CSMD1: variants seen among roughly 807,000 people sequenced by gnomAD.
The protein encoded by CSMD1 is CUB and Sushi multiple domains 1.
In CSMD1, 213 loss-of-function variants were observed where a neutral mutation model predicts 417.5. The ratio of observed to expected loss-of-function variants is 0.51; its 90% confidence interval spans 0.46 to 0.57. The LOEUF (loss-of-function observed/expected upper bound fraction) is 0.57. Among genes scored for constraint, CSMD1 ranks in the 20% least tolerant of loss-of-function variants. The probability of loss-of-function intolerance (pLI) is 0.00; values close to 1 mark genes in which losing one functional copy is unlikely to be tolerated. For synonymous variants in CSMD1, 2,862 were observed against 1,736.8 expected (o/e 1.65, Z -16.11); for missense variants, 6,923 against 4,529.7 (o/e 1.53, Z -15.17).
In CSMD1 at chr8:4,041,003, TCTTTTTTTTTTTC is replaced by T. The variant is rs1797857765; in HGVS notation, c.416-8917_416-8905del. Among the ~76,000 whole-genome samples, 5 of 137,680 alleles carry T rather than the reference TCTTTTTTTTTTTC, an allele frequency of 3.6e-5. 1 individual carries two copies. The South Asian group carries it at 1.1e-3, about 32-fold the overall frequency. 90.3% of individuals were successfully genotyped at this position (137,680 alleles called of 152,430 possible). On this transcript the variant is annotated intron_variant, in intron 3 of 69. Transcript: ENST00000635120. ...ACGTGGTCCTATATTTTCTTTTCTT[TCTTTTTTTTTTTC>T]CTTTTTTTTTTTTTTTTTGAGACGG...
intron 12 of CSMD1, among the ~76,000 whole-genome samples, chr8:3,456,931 C>T (rs767122182): frequency 1.3e-5 from 2 of 152,074 alleles, no homozygotes; most frequent in Non-Finnish European, 2.9e-5. Flanking sequence ...TGGAGCCCTC[C>T]TGCTGCACTG....
chr8:3,604,725 CATT>C (rs1801527449), intron 8 of CSMD1, among the ~76,000 whole-genome samples: 1 of 152,108 alleles, frequency 6.6e-6, no homozygotes, highest in South Asian at 2.1e-4. Context: ...AGGAGAGAAA[CATT>C]ATAACATCAG....
intron 3 of CSMD1, among the ~76,000 whole-genome samples, chr8:4,374,996 G>C (rs1370370174): frequency 2.0e-5 from 3 of 149,350 alleles, no homozygotes; most frequent in East Asian, 2.0e-4. Context: ...TACGGGCAAG[G>C]AGCAATAGTG....
At chr8:4,375,813 G>C (rs1225720115) in intron 3 of CSMD1, among the ~76,000 whole-genome samples, 1 of 152,066 alleles carries the variant, frequency 6.6e-6, no homozygotes, top group Non-Finnish European at 1.5e-5. Context: ...TTTTTTAAGA[G>C]TTCAATGTTT....
chr8:4,593,088 G>A (rs539249877), intron 2 of CSMD1, among the ~76,000 whole-genome samples: 2 of 152,228 alleles, frequency 1.3e-5, no homozygotes, highest in South Asian at 4.1e-4. Context: ...CTTGCATAAT[G>A]CATCCGGGCC....
At chr8:3,892,965 T>C (rs1034574851) in intron 5 of CSMD1, among the ~76,000 whole-genome samples, 2 of 98,008 alleles carry the variant, frequency 2.0e-5, no homozygotes, top group Admixed American at 1.3e-4. Flanking sequence ...CTGACCACAG[T>C]GATAAAAAAA....
chr8:4,360,254 C>T (rs1449460318), intron 3 of CSMD1, among the ~76,000 whole-genome samples: 1 of 152,114 alleles, frequency 6.6e-6, no homozygotes, highest in African/African-American at 2.4e-5. Context: ...CTGATGAACA[C>T]ACATCTACCT....
intron 12 of CSMD1, among the ~76,000 whole-genome samples, chr8:3,426,903 C>A (rs1452926741): frequency 1.3e-5 from 2 of 152,126 alleles, no homozygotes; most frequent in African/African-American, 4.8e-5. Context: ...TTAATTGACT[C>A]ACAGTTCAGC....
chr8:4,567,766 G>T (rs1798685731), intron 2 of CSMD1, among the ~76,000 whole-genome samples: 1 of 151,850 alleles, frequency 6.6e-6, no homozygotes, highest in South Asian at 2.1e-4. Flanking sequence ...TTAAACTATT[G>T]CTGGTCATAA....
At chr8:4,490,900 C>G (rs1232405213) in intron 2 of CSMD1, among the ~76,000 whole-genome samples, 1 of 152,182 alleles carries the variant, frequency 6.6e-6, no homozygotes, top group Non-Finnish European at 1.5e-5. Flanking sequence ...GCAGTGGTTT[C>G]TAGGACTATA....
At chr8:4,074,302 G>A (rs991939694) in intron 3 of CSMD1, among the ~76,000 whole-genome samples, 5 of 151,900 alleles carry the variant, frequency 3.3e-5, no homozygotes, top group Non-Finnish European at 7.4e-5. Flanking sequence ...AACAATGAAA[G>A]AAAATAAAAA....
intron 5 of CSMD1, among the ~76,000 whole-genome samples, chr8:3,915,734 G>C (rs546885804): frequency 6.0e-5 from 9 of 150,162 alleles, no homozygotes; most frequent in Non-Finnish European, 1.3e-4. Flanking sequence ...TTAGCTAGCA[G>C]CTCAAATTAT....
intron 1 of CSMD1, among the ~76,000 whole-genome samples, chr8:4,902,504 C>T (rs140996446): frequency 1.0e-3 from 158 of 151,762 alleles, no homozygotes; most frequent in Middle Eastern, 6.9e-3. Context: ...ATGTAGTTTG[C>T]AAAGCAAATG....
chr8:3,900,175 A>G (rs1224069903), intron 5 of CSMD1, among the ~76,000 whole-genome samples: 1 of 152,046 alleles, frequency 6.6e-6, no homozygotes, highest in Non-Finnish European at 1.5e-5. Context: ...GCTGGGTGAC[A>G]GTGTAGCTGG....
At chr8:4,903,597 T>A (rs1805042585) in intron 1 of CSMD1, among the ~76,000 whole-genome samples, 3 of 152,224 alleles carry the variant, frequency 2.0e-5, no homozygotes, top group Admixed American at 2.0e-4. Context: ...AATGTCAACT[T>A]GTTACATGAT....
Position 4,267,271 on chromosome 8 carries a change from T to G in CSMD1, c.415+152682A>C, listed in dbSNP as rs1024745284. 1.9e-5 allele frequency among the ~76,000 whole-genome samples: 2 copies of G among 103,580 alleles called. 1 individual carries two copies. Among genetic ancestry groups the G allele is most frequent in the Admixed American group, 1.8e-4 (2 of 10,872 alleles). The allele number at this position is 103,580 out of a possible 152,430, so 68.0% of individuals were successfully genotyped here. On this transcript the variant is annotated intron_variant, in intron 3 of 69. Transcript: ENST00000635120. The stretch of plus-strand genomic sequence containing the variant: ...AAGTTGCTACTTAGAAAATATATCA[T>G]GTTTTAATATGTATTAGCTATAACC...
chr8:4,815,425 T>C (rs929643715), intron 1 of CSMD1, among the ~76,000 whole-genome samples: 17 of 152,098 alleles, frequency 1.1e-4, no homozygotes, highest in South Asian at 6.2e-4. Context: ...ACCGGGCTTA[T>C]TGGCTCAAGC....
chr8:4,465,007 C>T (rs1585122071), intron 2 of CSMD1, among the ~76,000 whole-genome samples: 1 of 152,020 alleles, frequency 6.6e-6, no homozygotes, highest in East Asian at 1.9e-4. Context: ...CCAGGAGCTA[C>T]CTTGGGAAAG....
intron 3 of CSMD1, among the ~76,000 whole-genome samples, chr8:4,096,138 G>A (rs1243200867): frequency 6.6e-6 from 1 of 152,104 alleles, no homozygotes; most frequent in Admixed American, 6.5e-5. Flanking sequence ...GGTCCTAGAT[G>A]TTCTATAATA....
Sources: gnomAD v4.1 joint callset for allele counts (sites outside exome capture counted in the v4.1 genomes callset) on GRCh38, gnomAD v4.1.1 for gene constraint, MANE v1.5 for transcripts, NCBI Gene and HGNC (gene_info 2026-07-23, HGNC 2026-07-21) for gene names.